TBC1D12: variants seen among roughly 807,000 people sequenced by gnomAD.
The protein encoded by TBC1D12 is TBC1 domain family member 12, also known as TBC1 domain family, member 12.
TBC1D12 carries 56 observed loss-of-function variants against 86.7 expected under a neutral mutation model. The ratio of observed to expected loss-of-function variants is 0.65; its 90% CI spans 0.52 to 0.81. TBC1D12 has a LOEUF of 0.81. Among genes scored for constraint, TBC1D12 ranks in the 30% least tolerant of loss-of-function variants. TBC1D12 has a pLI of 0.00. For synonymous variants in TBC1D12, 421 were observed against 411.7 expected (o/e 1.02, Z -0.27); for missense variants, 1,023 against 1,038.8 (o/e 0.98, Z 0.21).
At chr10:94,472,284 T>G (rs2055919240) in intron 2 of TBC1D12, among the ~76,000 whole-genome samples, 1 of 152,172 alleles carries the variant, frequency 6.6e-6, no homozygotes, top group Admixed American at 6.5e-5. Flanking sequence ...CTTTACTGCC[T>G]GTTAATATAG....
intron 1 of TBC1D12, among the ~76,000 whole-genome samples, chr10:94,436,549 AT>A (rs1435880414): frequency 1.3e-5 from 2 of 152,092 alleles, no homozygotes; most frequent in African/African-American, 2.4e-5. Context: ...GAGAATTGAT[AT>A]TTTTATGATA....
chr10:94,486,920 AT>A (rs1298045772), intron 3 of TBC1D12, among the ~76,000 whole-genome samples: 1 of 152,146 alleles, frequency 6.6e-6, no homozygotes, highest in Admixed American at 6.5e-5. Flanking sequence ...TGAAGTCTCT[AT>A]TATCGTATTG....
intron 2 of TBC1D12, among the ~76,000 whole-genome samples, chr10:94,457,879 T>C (rs2055652136): frequency 6.6e-6 from 1 of 152,186 alleles, no homozygotes. Flanking sequence ...CAGGCAACAC[T>C]ATACCTGAAA....
chr10:94,492,401 A>T (rs1274243452), intron 3 of TBC1D12, among the ~76,000 whole-genome samples: 1 of 152,214 alleles, frequency 6.6e-6, no homozygotes, highest in East Asian at 1.9e-4. Flanking sequence ...GTATATCCAC[A>T]CTTACTATAT....
intron 1 of TBC1D12, among the ~76,000 whole-genome samples, chr10:94,429,453 G>C (rs1035785607): frequency 5.3e-5 from 8 of 152,024 alleles, no homozygotes; most frequent in Non-Finnish European, 1.0e-4. Flanking sequence ...AAATGATTGA[G>C]GCTTGTAAAG....
At chr10:94,420,025 G>A (rs1278154998) in intron 1 of TBC1D12, among the ~76,000 whole-genome samples, 6 of 152,178 alleles carry the variant, frequency 3.9e-5, no homozygotes, top group Non-Finnish European at 7.4e-5. Flanking sequence ...ATATATTGCT[G>A]TGGACCGAAT....
intron 2 of TBC1D12, among the ~76,000 whole-genome samples, chr10:94,452,614 A>T (rs1045848332): frequency 3.9e-5 from 6 of 152,050 alleles, no homozygotes; most frequent in African/African-American, 1.4e-4. Context: ...ATGGCTTGAT[A>T]GCTCATTTCT....
intron 1 of TBC1D12, among the ~76,000 whole-genome samples, chr10:94,424,029 C>G (rs1340012650): frequency 6.6e-6 from 1 of 152,024 alleles, no homozygotes; most frequent in Admixed American, 6.5e-5. Context: ...ATTTACATAG[C>G]ATTTACATTG....
At chr10:94,485,518 C>T (rs2056146484) in intron 3 of TBC1D12, among the ~76,000 whole-genome samples, 1 of 140,422 alleles carries the variant, frequency 7.1e-6, no homozygotes, top group Non-Finnish European at 1.5e-5. Context: ...ATCCATGTTT[C>T]TCAGGGATAT....
intron 1 of TBC1D12, among the ~76,000 whole-genome samples, chr10:94,409,433 G>T (rs989070568): frequency 2.1e-5 from 3 of 145,928 alleles, no homozygotes; most frequent in Non-Finnish European, 4.5e-5. Context: ...CTTGGAATGC[G>T]GTGGCACGGC....
intron 12 of TBC1D12, among the ~76,000 whole-genome samples, chr10:94,532,741 C>A (rs1842462926): frequency 1.3e-5 from 2 of 152,188 alleles, no homozygotes; most frequent in South Asian, 4.2e-4. Context: ...ATCACTCAAT[C>A]CATGAATGAT....
chr10:94,497,294 T>C, intron 5 of TBC1D12, 122 bp downstream of exon 5: 1 of 440,142 alleles, frequency 2.3e-6, no homozygotes, highest in Non-Finnish European at 4.0e-6. Flanking sequence ...AATGTGCAGG[T>C]TAGTTACATA....
At chr10:94,478,489 C>A (rs1446152100) in intron 3 of TBC1D12, among the ~76,000 whole-genome samples, 2 of 152,014 alleles carry the variant, frequency 1.3e-5, no homozygotes, top group Non-Finnish European at 2.9e-5. Flanking sequence ...CAGGGGCAGA[C>A]CATGAGGTCA....
intron 7 of TBC1D12, 110 bp from the exon 8 acceptor site, chr10:94,509,981 A>G: frequency 1.4e-6 from 1 of 722,952 alleles, no homozygotes; most frequent in Admixed American, 3.1e-5. Context: ...TTTCTTGATT[A>G]TTCAGCTTTT....
rs1564930241 is a variant in TBC1D12 at position 94,402,759 on chromosome 10, C to CGGAGGAGGCTGACGA, written c.155_169dup (p.Ala52_Glu56dup). 2.8e-5 allele frequency: 44 copies of CGGAGGAGGCTGACGA among 1,550,374 alleles called. No individual in the cohort carries two copies. The highest frequency in any genetic ancestry group is 3.4e-5 in the Non-Finnish European group (39 of 1,146,970). On this transcript the variant is annotated inframe_insertion, in exon 1 of 13. Coordinates refer to ENST00000225235, the MANE Select transcript of TBC1D12 (RefSeq NM_015188.2). ...GGAGGCGTCGGCGCTGTGGAGCCGC[C>CGGAGGAGGCTGACGA]GGAGGAGGCTGACGAGGAGGAGGAG...
intron 11 of TBC1D12, among the ~76,000 whole-genome samples, chr10:94,526,022 A>G (rs755804624): frequency 2.4e-4 from 37 of 152,234 alleles, no homozygotes; most frequent in Non-Finnish European, 4.4e-4. Context: ...ATAGAACACT[A>G]GAACTTATTC....
intron 7 of TBC1D12, chr10:94,508,439 TTCTCTC>T (rs150817641): frequency 4.0e-5 from 6 of 149,238 alleles, no homozygotes; most frequent in Non-Finnish European, 8.9e-5. Context: ...CCAATTCTTT[TTCTCTC>T]TCTCTCTCTC....
chr10:94,442,082 CTTTTTTT>C, intron 2 of TBC1D12, 63 bp downstream of exon 2: 3 of 1,195,516 alleles, frequency 2.5e-6, no homozygotes, highest in Non-Finnish European at 2.2e-6. Flanking sequence ...TCTTCTTCTT[CTTTTTTT>C]TTTTTTTTTT....
intron 3 of TBC1D12, among the ~76,000 whole-genome samples, chr10:94,486,136 C>CTTTTTTTTTTTTTT (rs760373766): frequency 2.6e-4 from 32 of 120,868 alleles, no homozygotes; most frequent in African/African-American, 3.8e-4. Context: ...TCTTCTTCTT[C>CTTTTTTTTTTTTTT]TTCTTTTTTT....
Sources: gnomAD v4.1 joint callset for allele counts (sites outside exome capture counted in the v4.1 genomes callset) on GRCh38, gnomAD v4.1.1 for gene constraint, MANE v1.5 for transcripts, NCBI Gene and HGNC (gene_info 2026-07-23, HGNC 2026-07-21) for gene names.